Variants in FANCC observed in about 807,000 individuals in gnomAD.
The protein encoded by FANCC is Fanconi anemia group C protein.
A neutral mutation model predicts 71.3 loss-of-function variants in FANCC; 55 were observed. That is an observed-to-expected ratio of 0.77 (90% CI 0.62 to 0.97). FANCC has a LOEUF of 0.97. FANCC is among the 50% of genes least tolerant of loss of function. The pLI is 0.00. For missense variants in FANCC, 678 were observed against 670.9 expected (o/e 1.01, Z -0.12); for synonymous variants, 275 against 244.9 (o/e 1.12, Z -1.15).
chr9:95,150,959 A>G (rs746850921), intron 6 of FANCC, among the ~76,000 whole-genome samples: 13 of 152,224 alleles, frequency 8.5e-5, no homozygotes, highest in Non-Finnish European at 1.6e-4. Flanking sequence ...AATGAATTAA[A>G]ATGAAATAAA....
intron 10 of FANCC, among the ~76,000 whole-genome samples, chr9:95,124,757 T>A (rs1431206057): frequency 1.3e-5 from 2 of 152,206 alleles, no homozygotes; most frequent in Admixed American, 1.3e-4. Context: ...GAGGCTCAGA[T>A]GCAGCCAGGG....
intron 3 of FANCC, among the ~76,000 whole-genome samples, chr9:95,244,094 T>C (rs922851952): frequency 1.3e-5 from 2 of 152,174 alleles, no homozygotes; most frequent in African/African-American, 4.8e-5. Context: ...CACAGACAGA[T>C]ACAAGTTCAA....
intron 4 of FANCC, among the ~76,000 whole-genome samples, chr9:95,211,876 C>A (rs1463052084): frequency 2.7e-4 from 39 of 145,568 alleles, no homozygotes; most frequent in South Asian, 4.3e-4. Flanking sequence ...AAAAAAAAAA[C>A]CAGAACCAGT....
chr9:95,247,885 G>T (rs4647418), intron 2 of FANCC, among the ~76,000 whole-genome samples: 1 of 152,138 alleles, frequency 6.6e-6, no homozygotes, highest in Non-Finnish European at 1.5e-5. Flanking sequence ...ATATAATCCC[G>T]TATCTTTATC....
chr9:95,163,812 G>A (rs1453772805), intron 6 of FANCC, among the ~76,000 whole-genome samples: 7 of 152,242 alleles, frequency 4.6e-5, no homozygotes, highest in Admixed American at 1.3e-4. Flanking sequence ...TTGCGCCATC[G>A]CATGCCAGCC....
intron 13 of FANCC, chr9:95,107,617 C>G: frequency 2.4e-6 from 1 of 414,904 alleles, no homozygotes; most frequent in Non-Finnish European, 4.5e-6. Context: ...ACTCGCCTAT[C>G]ACAGCCACAA....
intron 1 of FANCC, among the ~76,000 whole-genome samples, chr9:95,291,967 A>AAAAAAAAAAATAT (rs1441757988): frequency 2.0e-5 from 1 of 50,412 alleles, no homozygotes; most frequent in Non-Finnish European, 3.4e-5. Flanking sequence ...AAAAAAAAAA[A>AAAAAAAAAAATAT]ATATATATAT....
At chr9:95,115,143 T>C (rs1273457150) in intron 11 of FANCC, among the ~76,000 whole-genome samples, 1 of 152,168 alleles carries the variant, frequency 6.6e-6, no homozygotes, top group Non-Finnish European at 1.5e-5. Context: ...GGTTTCACTA[T>C]GTTTCTCAGA....
chr9:95,171,888 A>G, intron 5 of FANCC, 149 bp downstream of exon 5: 3 of 642,312 alleles, frequency 4.7e-6, no homozygotes, highest in Middle Eastern at 8.5e-4. Flanking sequence ...TCTTCCGTAC[A>G]TGGCCATAAG....
intron 8 of FANCC, among the ~76,000 whole-genome samples, chr9:95,132,201 T>C (rs1827012541): frequency 6.6e-6 from 1 of 152,160 alleles, no homozygotes; most frequent in Non-Finnish European, 1.5e-5. Context: ...TCGGGTACCT[T>C]CCGGCCCTGG....
intron 10 of FANCC, 42 bp from the exon 11 acceptor site, chr9:95,117,432 T>C: frequency 6.4e-7 from 1 of 1,552,376 alleles, no homozygotes; most frequent in Non-Finnish European, 8.9e-7. Context: ...AACATTAAGA[T>C]TGAAACGGGG....
intron 1 of FANCC, 40 bp from the exon 2 acceptor site, chr9:95,249,409 T>C: frequency 9.4e-7 from 1 of 1,058,872 alleles, no homozygotes; most frequent in Non-Finnish European, 1.4e-6. Flanking sequence ...TCTAAAAGGC[T>C]CTTTTATCAG....
Position 95,170,698 on chromosome 9 carries a change from G to A in FANCC, c.521+381C>T, listed in dbSNP as rs532933072. Among the ~76,000 whole-genome samples, 72 of 141,082 alleles carry A rather than the reference G, an allele frequency of 5.1e-4. 2 individuals are homozygous for A. The highest frequency in any genetic ancestry group is 1.0e-3 in the Admixed American group (14 of 13,844). The allele number at this position is 141,082 out of a possible 152,430, so 92.6% of individuals were successfully genotyped here. ...TGTGTGTTGGGAGCAGAAGAAGGCAGAGCCAGGGCAGGCTAGTGTGAGAGC... is the reference window on the plus strand; with the variant it reads ...TGTGTGTTGGGAGCAGAAGAAGGCAAAGCCAGGGCAGGCTAGTGTGAGAGC... On this transcript the variant is annotated intron_variant, in intron 6 of 14. Coordinates refer to ENST00000289081, the MANE Select transcript of FANCC (RefSeq NM_000136.3).
At chr9:95,103,507 G>A (rs919484371) in intron 14 of FANCC, among the ~76,000 whole-genome samples, 3 of 152,194 alleles carry the variant, frequency 2.0e-5, no homozygotes, top group Admixed American at 2.0e-4. Flanking sequence ...ACAGGAGGTG[G>A]AGCCCCAGGG....
intron 13 of FANCC, 125 bp downstream of exon 13, chr9:95,111,336 CAT>C (rs759892007): frequency 1.3e-6 from 2 of 1,597,878 alleles, no homozygotes; most frequent in Non-Finnish European, 1.7e-6. Context: ...GTTGCCATGA[CAT>C]ATGCCATCTG....
chr9:95,242,853 T>C (rs192250828), intron 3 of FANCC, among the ~76,000 whole-genome samples: 1 of 152,258 alleles, frequency 6.6e-6, no homozygotes, highest in Admixed American at 6.5e-5. Context: ...TCTGTCAGGC[T>C]CCTCCCTGGA....
chr9:95,309,186 T>C (rs138631530), intron 1 of FANCC, among the ~76,000 whole-genome samples: 2 of 152,322 alleles, frequency 1.3e-5, no homozygotes, highest in East Asian at 3.9e-4. Context: ...AAAGTTTCAC[T>C]AGCTTTGCCA....
chr9:95,271,372 G>A (rs935156247), intron 1 of FANCC, among the ~76,000 whole-genome samples: 3 of 152,302 alleles, frequency 2.0e-5, no homozygotes, highest in Admixed American at 2.0e-4. Flanking sequence ...GGAATATCAG[G>A]GTAGGGTAGG....
chr9:95,135,141 C>A (rs1369158645), intron 8 of FANCC, among the ~76,000 whole-genome samples: 1 of 152,154 alleles, frequency 6.6e-6, no homozygotes, highest in Non-Finnish European at 1.5e-5. Context: ...ATCAAGTAAA[C>A]CTCAGATCTC....
Sources: allele counts gnomAD v4.1 joint callset (sites outside exome capture counted in the v4.1 genomes callset), GRCh38; gene constraint gnomAD v4.1.1; transcripts MANE v1.5; gene names NCBI Gene and HGNC (gene_info 2026-07-23, HGNC 2026-07-21).